Variants in PARD6G observed in about 807,000 individuals in gnomAD.
The protein encoded by PARD6G is par-6 family cell polarity regulator gamma.
A neutral mutation model predicts 10.7 loss-of-function variants in PARD6G; 7 were observed. The observed-to-expected ratio is 0.66, with a 90% CI of 0.37 to 1.23. The LOEUF (loss-of-function observed/expected upper bound fraction) is 1.23. Among genes scored for constraint, PARD6G ranks in the 50% most tolerant of loss-of-function variants. The pLI, the probability that PARD6G is intolerant of heterozygous loss-of-function variation, is 0.02. For missense variants in PARD6G, 548 were observed against 571.8 expected, an observed-to-expected ratio of 0.96 and a Z score of 0.42; for synonymous variants, 287 against 269.4, an observed-to-expected ratio of 1.07 and a Z score of -0.64.
intron 1 of PARD6G, among the ~76,000 whole-genome samples, chr18:80,216,343 C>A (rs1320213173): frequency 1.3e-5 from 2 of 152,116 alleles, no homozygotes; most frequent in African/African-American, 4.8e-5. Flanking sequence ...ACACATGAAA[C>A]ATTCTCTAGG....
chr18:80,182,796 C>T lies in PARD6G; in HGVS notation c.295+19914G>A, dbSNP rs1436709449. 6.5e-6 allele frequency: 2 copies of T among 307,030 alleles called. No homozygotes were observed. The highest frequency in any genetic ancestry group is 4.7e-5 in the Admixed American group (1 of 21,248). 19.0% of individuals were successfully genotyped at this position (307,030 alleles called of 1,614,324 possible). ...GGGCTTATCAAAGCTCTGTTTTATT[C>T]TTTTAAAAATGACAAGTTACTATTT... On this transcript the variant is annotated intron_variant, in intron 2 of 2. Transcript: ENST00000353265. The surrounding 1 kb of genome is among the most constrained non-coding windows in gnomAD (Gnocchi z 4.5).
intron 1 of PARD6G, among the ~76,000 whole-genome samples, chr18:80,233,508 A>G (rs1967383148): frequency 6.6e-6 from 1 of 152,160 alleles, no homozygotes; most frequent in Non-Finnish European, 1.5e-5. Context: ...TCCCAAGGAA[A>G]CACCCCCTTA....
chr18:80,158,168 G>A lies in PARD6G; in HGVS notation c.*1603C>T, dbSNP rs529504374. 2 of 152,292 alleles carry A rather than the reference G, an allele frequency of 1.3e-5. No individual in the cohort carries two copies. Among genetic ancestry groups the A allele is most frequent in the East Asian group, 3.9e-4 (2 of 5,192 alleles). 9.4% of individuals were successfully genotyped at this position (152,292 alleles called of 1,614,324 possible). ...TCAACATAAAGTGAGGATGAATTTA[G>A]TATTTGTTAAAAATCACTAAGTTCC... On this transcript the variant is annotated 3_prime_UTR_variant, in exon 3 of 3. Coordinates refer to ENST00000353265, the MANE Select transcript of PARD6G (RefSeq NM_032510.4).
intron 1 of PARD6G, among the ~76,000 whole-genome samples, chr18:80,209,945 T>C (rs975992613): frequency 5.3e-5 from 8 of 152,214 alleles, no homozygotes; most frequent in African/African-American, 1.9e-4. Flanking sequence ...ATCATATCAA[T>C]CTCTATTAAT....
chr18:80,227,859 T>TTC (rs1967310689), intron 1 of PARD6G, among the ~76,000 whole-genome samples: 1 of 141,756 alleles, frequency 7.1e-6, no homozygotes, highest in South Asian at 2.4e-4. Context: ...CACCAGGGCT[T>TTC]CAGACCATTC....
At chr18:80,207,643 T>G (rs2145284320) in intron 1 of PARD6G, among the ~76,000 whole-genome samples, 1 of 152,336 alleles carries the variant, frequency 6.6e-6, no homozygotes, top group South Asian at 2.1e-4. Context: ...TAGCTCTTTT[T>G]AAGTGTACAG....
chr18:80,227,363 C>T (rs1039975094), intron 1 of PARD6G, among the ~76,000 whole-genome samples: 15 of 152,320 alleles, frequency 9.8e-5, no homozygotes, highest in African/African-American at 3.6e-4. Context: ...GAAATGTGTT[C>T]CATGTCCCTT....
At chr18:80,203,996 C>T (rs1342166123) in intron 1 of PARD6G, among the ~76,000 whole-genome samples, 1 of 152,082 alleles carries the variant, frequency 6.6e-6, no homozygotes, top group African/African-American at 2.4e-5. Context: ...TAGGGACTAA[C>T]CTCTTTTCCA....
At chr18:80,178,084 A>C (rs2052826615) in intron 2 of PARD6G, 1 of 167,116 alleles carries the variant, frequency 6.0e-6, no homozygotes, top group Admixed American at 6.5e-5. Context: ...TGATTCTTGC[A>C]GATACAGCTG....
chr18:80,198,166 T>C (rs1037908234), intron 2 of PARD6G, among the ~76,000 whole-genome samples: 5 of 152,170 alleles, frequency 3.3e-5, no homozygotes, highest in Non-Finnish European at 5.9e-5. Flanking sequence ...CCCAGGAGAA[T>C]GAAAAACAAG....
chr18:80,240,403 G>T (rs1157634101), intron 1 of PARD6G, among the ~76,000 whole-genome samples: 5 of 152,138 alleles, frequency 3.3e-5, no homozygotes, highest in Admixed American at 3.3e-4. Flanking sequence ...GTAGCTGTCA[G>T]GAAAACCCAC....
intron 2 of PARD6G, among the ~76,000 whole-genome samples, chr18:80,179,600 C>T (rs2052837403): frequency 6.6e-6 from 1 of 152,206 alleles, no homozygotes; most frequent in South Asian, 2.1e-4. Flanking sequence ...ACTTGCAGAG[C>T]CAAGAGGAGA....
chr18:80,225,066 A>G (rs1967276928), intron 1 of PARD6G, among the ~76,000 whole-genome samples: 1 of 152,180 alleles, frequency 6.6e-6, no homozygotes, highest in Non-Finnish European at 1.5e-5. Context: ...ACTAGTGACT[A>G]AAAAACTTTA....
chr18:80,239,502 T>C (rs926873135), intron 1 of PARD6G, among the ~76,000 whole-genome samples: 2 of 152,186 alleles, frequency 1.3e-5, no homozygotes, highest in African/African-American at 2.4e-5. Context: ...TATGAGTTTG[T>C]GTTGGGCCAC....
At chr18:80,162,574 A>C (rs1298785146) in intron 2 of PARD6G, 1 of 169,268 alleles carries the variant, frequency 5.9e-6, no homozygotes, top group Non-Finnish European at 1.5e-5. Context: ...AGACACTGCA[A>C]ATCCTTACTC....
chr18:80,220,219 C>T lies in PARD6G; in HGVS notation c.73-17287G>A, dbSNP rs189918195. 3.1e-3 allele frequency among the ~76,000 whole-genome samples: 469 copies of T among 152,252 alleles called. 4 individuals are homozygous for T. The highest frequency in any genetic ancestry group is 4.5e-3 in the Non-Finnish European group (308 of 68,022). On this transcript the variant is annotated intron_variant, in intron 1 of 2. Coordinates refer to ENST00000353265, the MANE Select transcript of PARD6G (RefSeq NM_032510.4). ...TTGGGGGAAAGCCCCCTTATAAAACCATCAGCTCGTGTGAGAACTCACTAT... is the reference window on the plus strand; with the variant it reads ...TTGGGGGAAAGCCCCCTTATAAAACTATCAGCTCGTGTGAGAACTCACTAT...
At chr18:80,218,551 CCTGGTTGCTTT>C (rs1967195267) in intron 1 of PARD6G, among the ~76,000 whole-genome samples, 1 of 152,178 alleles carries the variant, frequency 6.6e-6, no homozygotes, top group Admixed American at 6.5e-5. Context: ...CGGCTCCCCT[CCTGGTTGCTTT>C]CATGGGCTGG....
Position 80,246,180 on chromosome 18 carries a change from C to T in PARD6G, c.72+1097G>A, listed in dbSNP as rs989147488. On this transcript the variant is annotated intron_variant, in intron 1 of 2. Transcript: ENST00000353265. This position sits in a 1 kb window ranked among gnomAD's most constrained non-coding sequence, Gnocchi z 6.7. ...ACTCCGCCGTTAGGAGCCTTTCCCACAACTCTGAGAACCGGGGTGCGAAGA... is the reference window on the plus strand; with the variant it reads ...ACTCCGCCGTTAGGAGCCTTTCCCATAACTCTGAGAACCGGGGTGCGAAGA... Among the ~76,000 whole-genome samples, 1 of 152,090 alleles carries T rather than the reference C, an allele frequency of 6.6e-6. No homozygotes were observed. The highest frequency in any genetic ancestry group is 6.5e-5 in the Admixed American group (1 of 15,270).
chr18:80,188,133 A>C lies in PARD6G; in HGVS notation c.295+14577T>G, dbSNP rs535334435. 2.6e-5 allele frequency among the ~76,000 whole-genome samples: 4 copies of C among 152,204 alleles called. No homozygotes were observed. In the South Asian group the frequency reaches 6.2e-4, roughly 24 times the overall value. ...AGAAGTAAGATGCCTTGGACACAGT[A>C]ATATCCCTCTCATTTTACAGTATTT... is the stretch of plus-strand genomic sequence containing the variant. On this transcript the variant is annotated intron_variant, in intron 2 of 2. Coordinates refer to ENST00000353265, the MANE Select transcript of PARD6G (RefSeq NM_032510.4). This position sits in a 1 kb window ranked among gnomAD's most constrained non-coding sequence, Gnocchi z 5.4.
Sources: gnomAD v4.1 joint callset for allele counts (sites outside exome capture counted in the v4.1 genomes callset) on GRCh38, gnomAD v4.1.1 for gene constraint, Gnocchi (gnomAD v3.1) non-coding constraint, MANE v1.5 for transcripts, NCBI Gene and HGNC (gene_info 2026-07-23, HGNC 2026-07-21) for gene names.